IL1RL2: variants seen among roughly 807,000 people sequenced by gnomAD.
The protein encoded by IL1RL2 is interleukin 1 receptor like 2.
IL1RL2 carries 68 observed loss-of-function variants against 66.8 expected under a neutral mutation model. The ratio of observed to expected loss-of-function variants is 1.02; its 90% CI spans 0.84 to 1.25. The LOEUF is 1.25. Ranked by LOEUF, IL1RL2 falls within the 50% of genes most tolerant of loss-of-function variation. IL1RL2 has a pLI of 0.00. For missense variants in IL1RL2, 729 were observed against 709.3 expected, an observed-to-expected ratio of 1.03 and a Z score of -0.32; for synonymous variants, 305 against 264.6, an observed-to-expected ratio of 1.15 and a Z score of -1.48.
intron 9 of IL1RL2, among the ~76,000 whole-genome samples, chr2:102,231,800 A>G (rs1429120463): frequency 6.6e-6 from 1 of 152,172 alleles, no homozygotes; most frequent in Non-Finnish European, 1.5e-5. Flanking sequence ...TCTCAACGGC[A>G]CTGCAGATTA....
intron 6 of IL1RL2, among the ~76,000 whole-genome samples, chr2:102,217,943 CCAAAAAGCTTCTGAACAGTAAAAGAAA>C (rs1469737830): frequency 6.6e-6 from 1 of 151,966 alleles, no homozygotes; most frequent in African/African-American, 2.4e-5. Context: ...TTACATCAAA[CCAAAAAGCTTCTGAACAGTAAAAGAAA>C]CAATCAACAG....
intron 2 of IL1RL2, among the ~76,000 whole-genome samples, chr2:102,188,794 C>G (rs1326235920): frequency 3.9e-5 from 6 of 151,916 alleles, no homozygotes; most frequent in Admixed American, 1.3e-4. Flanking sequence ...ATGAAAAGAA[C>G]TAAGGGTCGT....
chr2:102,198,348 T>C (rs1479112299), intron 4 of IL1RL2, among the ~76,000 whole-genome samples: 1 of 152,190 alleles, frequency 6.6e-6, no homozygotes, highest in East Asian at 1.9e-4. Context: ...AGGAAGTCTT[T>C]GAAATTGAAG....
At chr2:102,236,218 T>G (rs756546124) in intron 11 of IL1RL2, among the ~76,000 whole-genome samples, 12 of 152,230 alleles carry the variant, frequency 7.9e-5, no homozygotes, top group Non-Finnish European at 1.8e-4. Context: ...CTCAACCTTC[T>G]GAAGCTGTGG....
intron 5 of IL1RL2, among the ~76,000 whole-genome samples, chr2:102,204,938 C>T (rs532658673): frequency 2.0e-5 from 3 of 151,606 alleles, no homozygotes; most frequent in Non-Finnish European, 2.9e-5. Context: ...CCTTTCTTTC[C>T]TTCCTGTCTT....
At chr2:102,230,807 C>T (rs1421461535) in intron 9 of IL1RL2, among the ~76,000 whole-genome samples, 1 of 152,190 alleles carries the variant, frequency 6.6e-6, no homozygotes, top group Non-Finnish European at 1.5e-5. Context: ...GAATGGTGAG[C>T]AGGGACCCGA....
Position 102,235,761 on chromosome 2 carries a change from C to T in IL1RL2, c.1678+484C>T, listed in dbSNP as rs990067343. On this transcript the variant is annotated intron_variant, in intron 11 of 11. Coordinates refer to ENST00000264257, the MANE Select transcript of IL1RL2 (RefSeq NM_003854.4). Reference sequence around the variant, plus strand: ...TGTCCAGTGTCTTCAGGGCCCCATGCTCAGGGGTCATTTGCTGTGTCTGCG... The same window carrying T: ...TGTCCAGTGTCTTCAGGGCCCCATGTTCAGGGGTCATTTGCTGTGTCTGCG... 4.7e-5 allele frequency: 46 copies of T among 985,412 alleles called. No individual in the cohort carries two copies. In the Middle Eastern group the frequency reaches 1.6e-3, roughly 34 times the overall value. 61.0% of individuals were successfully genotyped at this position (985,412 alleles called of 1,614,324 possible).
downstream of IL1RL2, among the ~76,000 whole-genome samples, chr2:102,240,504 A>G (rs1578216923): frequency 6.6e-6 from 1 of 151,688 alleles, no homozygotes; most frequent in Non-Finnish European, 1.5e-5. Context: ...ATAATTTAGT[A>G]AGCAACTCAG....
intron 3 of IL1RL2, 75 bp from the exon 4 acceptor site, chr2:102,191,850 A>C (rs1687256487): frequency 1.9e-6 from 2 of 1,069,446 alleles, no homozygotes; most frequent in Non-Finnish European, 2.8e-6. Flanking sequence ...ATTTGAAAAC[A>C]TTTGAAAATG....
chr2:102,233,670 G>T (rs576891626), intron 10 of IL1RL2, among the ~76,000 whole-genome samples: 1 of 152,174 alleles, frequency 6.6e-6, no homozygotes, highest in Non-Finnish European at 1.5e-5. Flanking sequence ...CTCAACCTCA[G>T]TTGTCTCATC....
At chr2:102,228,575 TAG>T (rs1172628965) in intron 9 of IL1RL2, among the ~76,000 whole-genome samples, 1 of 152,190 alleles carries the variant, frequency 6.6e-6, no homozygotes, top group Non-Finnish European at 1.5e-5. Flanking sequence ...ACGGATCTCC[TAG>T]AGAGATTTGA....
chr2:102,189,344 G>A (rs1211807498), intron 3 of IL1RL2, 34 bp downstream of exon 3: 6 of 1,273,138 alleles, frequency 4.7e-6, no homozygotes, highest in East Asian at 2.4e-5. Context: ...ACTAACTCGT[G>A]TGTGTATGTA....
intron 5 of IL1RL2, among the ~76,000 whole-genome samples, chr2:102,203,150 C>T (rs994361155): frequency 1.3e-5 from 2 of 152,018 alleles, no homozygotes; most frequent in East Asian, 3.9e-4. Flanking sequence ...GGTTTTTAGC[C>T]TTTATTCTGT....
intron 6 of IL1RL2, among the ~76,000 whole-genome samples, chr2:102,216,357 G>C (rs1316212781): frequency 2.6e-5 from 4 of 152,068 alleles, no homozygotes; most frequent in African/African-American, 9.7e-5. Context: ...TCTGATGTAA[G>C]TGTAGCTACT....
rs1307307452 is a variant in IL1RL2, at chr2:102,232,999, A to G, written c.1172A>G (p.Lys391Arg). 2.5e-6 allele frequency: 4 copies of G among 1,614,030 alleles called. No homozygotes were observed. The South Asian group carries it at 4.4e-5, about 18-fold the overall frequency. The change falls in exon 10 of 12, where the codon AAG becomes AGG. Residue 391 changes from lysine to arginine, a missense_variant. Lys to Arg is a conservative substitution (Grantham distance 26). Transcript: ENST00000264257. The stretch of plus-strand genomic sequence containing the variant: ...TATGACGCCTATGTCTTATACCCCA[A>G]GCCCCACAAGGAAAGCCAGAGGCAT... ...KLYDAYVLYP[K>R]PHKESQRHAV...
downstream of IL1RL2, among the ~76,000 whole-genome samples, chr2:102,241,566 C>A (rs1289714156): frequency 6.6e-6 from 1 of 152,186 alleles, no homozygotes; most frequent in South Asian, 2.1e-4. Flanking sequence ...TACAAAAGCC[C>A]GGTGAACGGA....
At chr2:102,187,358 C>G in intron 1 of IL1RL2, 1 of 1,160,998 alleles carries the variant, frequency 8.6e-7, no homozygotes, top group Non-Finnish European at 1.1e-6. Context: ...CCTGCCCTGG[C>G]TGCTCCCCAG....
At chr2:102,207,580 C>T (rs1176623010) in intron 5 of IL1RL2, among the ~76,000 whole-genome samples, 1 of 152,044 alleles carries the variant, frequency 6.6e-6, no homozygotes, top group Non-Finnish European at 1.5e-5. Flanking sequence ...TCATTGTTCT[C>T]TCTTGCTGTG....
At chr2:102,187,223 C>T in intron 1 of IL1RL2, 137 bp downstream of exon 1, 2 of 1,208,714 alleles carry the variant, frequency 1.7e-6, no homozygotes, top group East Asian at 5.9e-5. Context: ...CGGCCCCCGA[C>T]CGGCTAGGTG....
Sources: allele counts gnomAD v4.1 joint callset (sites outside exome capture counted in the v4.1 genomes callset), GRCh38; gene constraint gnomAD v4.1.1; transcripts MANE v1.5; gene names NCBI Gene and HGNC (gene_info 2026-07-23, HGNC 2026-07-21).